CHSY3: variants seen among roughly 807,000 people sequenced by gnomAD.
CHSY3 encodes the protein chondroitin sulfate synthase 3.
Under a neutral mutation model 67.2 loss-of-function variants are expected in CHSY3, and 35 were observed. The observed-to-expected ratio is 0.52, with a 90% CI of 0.40 to 0.69. CHSY3 has a LOEUF of 0.69. Among genes scored for constraint, CHSY3 ranks in the 30% least tolerant of loss-of-function variants. CHSY3 has a pLI of 0.00. For missense variants in CHSY3, 1,069 were observed against 1,138.5 expected (o/e 0.94, Z 0.88); for synonymous variants, 474 against 434.7 (o/e 1.09, Z -1.12).
chr5:130,069,391 C>G (rs1041062760), intron 2 of CHSY3, among the ~76,000 whole-genome samples: 1 of 151,874 alleles, frequency 6.6e-6, no homozygotes, highest in Admixed American at 6.6e-5. Context: ...TGATTCATGC[C>G]TGTAATCCCA....
At chr5:129,910,246 G>A (rs921843561) in intron 2 of CHSY3, among the ~76,000 whole-genome samples, 1 of 151,986 alleles carries the variant, frequency 6.6e-6, no homozygotes, top group Non-Finnish European at 1.5e-5. Flanking sequence ...GTAACCTGGT[G>A]AATATAACAT....
intron 2 of CHSY3, among the ~76,000 whole-genome samples, chr5:130,045,455 A>G (rs1413628582): frequency 6.6e-6 from 1 of 152,042 alleles, no homozygotes; most frequent in African/African-American, 2.4e-5. Context: ...GAGGGGATGC[A>G]CACAGAACGC....
At chr5:130,119,321 T>C (rs1767927810) in intron 2 of CHSY3, among the ~76,000 whole-genome samples, 2 of 152,178 alleles carry the variant, frequency 1.3e-5, no homozygotes, top group South Asian at 4.1e-4. Flanking sequence ...CAGTTCAGCA[T>C]TTCCCAGCCT....
intron 2 of CHSY3, 148 bp downstream of exon 2, chr5:129,908,508 GATAACTT>G: frequency 3.1e-6 from 4 of 1,282,496 alleles, no homozygotes; most frequent in Admixed American, 2.8e-5. Context: ...AAGAGTGGGA[GATAACTT>G]TCTCATTAGG....
At chr5:130,097,346 C>T (rs777406557) in intron 2 of CHSY3, among the ~76,000 whole-genome samples, 39 of 152,320 alleles carry the variant, frequency 2.6e-4, no homozygotes, top group Admixed American at 2.1e-3. Flanking sequence ...AAGACTTCTA[C>T]CCTGTTTTTC....
intron 2 of CHSY3, among the ~76,000 whole-genome samples, chr5:130,089,989 G>A (rs763674414): frequency 6.6e-6 from 1 of 152,122 alleles, no homozygotes; most frequent in Non-Finnish European, 1.5e-5. Flanking sequence ...TAGAGGGAAC[G>A]CATCTTTATT....
intron 2 of CHSY3, among the ~76,000 whole-genome samples, chr5:129,960,816 C>A (rs1375404011): frequency 2.6e-5 from 4 of 151,842 alleles, no homozygotes; most frequent in Non-Finnish European, 5.9e-5. Context: ...TTTATATGTA[C>A]CCTACTCCAA....
At chr5:130,178,566 T>C (rs995399571) in intron 2 of CHSY3, among the ~76,000 whole-genome samples, 1 of 152,050 alleles carries the variant, frequency 6.6e-6, no homozygotes, top group Non-Finnish European at 1.5e-5. Flanking sequence ...TCTGGTTTTA[T>C]GTTCTCAGTA....
chr5:130,002,894 A>T (rs114141185), intron 2 of CHSY3, among the ~76,000 whole-genome samples: 1 of 152,160 alleles, frequency 6.6e-6, no homozygotes, highest in Non-Finnish European at 1.5e-5. Flanking sequence ...TTCTAACCCA[A>T]CTGTAATTCC....
At chr5:129,979,857 T>C (rs2149621246) in intron 2 of CHSY3, among the ~76,000 whole-genome samples, 1 of 152,344 alleles carries the variant, frequency 6.6e-6, no homozygotes, top group East Asian at 1.9e-4. Flanking sequence ...GTACATAACC[T>C]TTTTCGCTTG....
chr5:130,186,237 CT>C lies in CHSY3; in HGVS notation c.*447del, dbSNP rs1474941360. On this transcript the variant is annotated 3_prime_UTR_variant, in exon 3 of 3. Transcript: ENST00000305031. Reference sequence around the variant, plus strand: ...CTTTATGCTTCCTATGGGGAAGGGACTCTGTAACATAAACTTGAGTTTTGTA... The same window carrying C: ...CTTTATGCTTCCTATGGGGAAGGGACCTGTAACATAAACTTGAGTTTTGTA... 2.0e-5 allele frequency: 3 copies of C among 150,648 alleles called. No individual in the cohort carries two copies. Among genetic ancestry groups the C allele is most frequent in the African/African-American group, 7.6e-5 (3 of 39,482 alleles). 9.3% of individuals were successfully genotyped at this position (150,648 alleles called of 1,614,324 possible).
chr5:130,154,470 C>T (rs1251304566), intron 2 of CHSY3, among the ~76,000 whole-genome samples: 1 of 152,144 alleles, frequency 6.6e-6, no homozygotes, highest in African/African-American at 2.4e-5. Context: ...TGAACCATCC[C>T]ATGATCTTAT....
chr5:129,924,872 A>C (rs962129473), intron 2 of CHSY3, among the ~76,000 whole-genome samples: 1 of 152,170 alleles, frequency 6.6e-6, no homozygotes, highest in Non-Finnish European at 1.5e-5. Context: ...CTACTAAAAA[A>C]ATTTTTAAAA....
chr5:130,099,326 T>C (rs1767152039), intron 2 of CHSY3, among the ~76,000 whole-genome samples: 1 of 152,230 alleles, frequency 6.6e-6, no homozygotes, highest in Non-Finnish European at 1.5e-5. Context: ...TCTCCAAACC[T>C]CCTTTGATAT....
At chr5:130,029,946 T>C (rs2149659350) in intron 2 of CHSY3, among the ~76,000 whole-genome samples, 1 of 152,294 alleles carries the variant, frequency 6.6e-6, no homozygotes, top group South Asian at 2.1e-4. Flanking sequence ...ATGTAAGAAG[T>C]AGTGGATTAT....
At chr5:130,075,624 G>A (rs1766225144) in intron 2 of CHSY3, among the ~76,000 whole-genome samples, 1 of 152,126 alleles carries the variant, frequency 6.6e-6, no homozygotes. Context: ...TTAGCATCTA[G>A]TTAGATAAAG....
chr5:130,087,167 AC>A (rs1328522773), intron 2 of CHSY3, among the ~76,000 whole-genome samples: 1 of 151,692 alleles, frequency 6.6e-6, no homozygotes, highest in Non-Finnish European at 1.5e-5. Context: ...AAATTCAACA[AC>A]CCTTCATGCT....
intron 2 of CHSY3, among the ~76,000 whole-genome samples, chr5:130,096,643 A>AT (rs766016962): frequency 1.3e-5 from 2 of 151,926 alleles, no homozygotes; most frequent in Non-Finnish European, 2.9e-5. Context: ...ATTTGCTTTG[A>AT]TTTTTTTCAC....
intron 2 of CHSY3, among the ~76,000 whole-genome samples, chr5:130,143,756 A>ATATATATATATATGTGTGTGTG (rs1433405052): frequency 2.1e-4 from 21 of 101,914 alleles, no homozygotes; most frequent in African/African-American, 1.0e-3. Context: ...ATATATATAT[A>ATATATATATATATGTGTGTGTG]TGTGTGTGTG....
Sources: allele counts gnomAD v4.1 joint callset (sites outside exome capture counted in the v4.1 genomes callset), GRCh38; gene constraint gnomAD v4.1.1; transcripts MANE v1.5; gene names NCBI Gene and HGNC (gene_info 2026-07-23, HGNC 2026-07-21).